Variants in SLC4A10 observed in about 807,000 individuals in gnomAD.
SLC4A10 encodes sodium-driven chloride bicarbonate exchanger.
In SLC4A10, 42 loss-of-function variants were observed where a neutral mutation model predicts 137.7. The observed-to-expected ratio is 0.30, with a 90% CI of 0.24 to 0.39. The LOEUF (loss-of-function observed/expected upper bound fraction) is 0.39. SLC4A10 is among the 10% of genes least tolerant of loss of function. The pLI is 1.00. For synonymous variants in SLC4A10, 474 were observed against 464.1 expected (o/e 1.02, Z -0.27); for missense variants, 925 against 1,355.0 (o/e 0.68, Z 4.98).
At chr2:161,876,059 G>A (rs751321624) in intron 8 of SLC4A10, among the ~76,000 whole-genome samples, 2 of 152,096 alleles carry the variant, frequency 1.3e-5, no homozygotes, top group Non-Finnish European at 2.9e-5. Context: ...CCCTAGAAAT[G>A]TAACTGTTTC....
intron 1 of SLC4A10, among the ~76,000 whole-genome samples, chr2:161,722,861 G>A (rs1485081224): frequency 1.3e-5 from 2 of 152,178 alleles, no homozygotes; most frequent in African/African-American, 2.4e-5. Context: ...CTCTGTAAAC[G>A]CCTGGATGGA....
At chr2:161,709,559 A>G (rs780444444) in intron 1 of SLC4A10, among the ~76,000 whole-genome samples, 2 of 151,638 alleles carry the variant, frequency 1.3e-5, no homozygotes, top group Non-Finnish European at 3.0e-5. Flanking sequence ...AGCTTGTGAC[A>G]TTTAAGCTTG....
intron 3 of SLC4A10, among the ~76,000 whole-genome samples, chr2:161,822,973 A>C (rs2057747897): frequency 6.6e-6 from 1 of 151,992 alleles, no homozygotes; most frequent in South Asian, 2.1e-4. Flanking sequence ...AAACTGTCTC[A>C]AAAAAAATTA....
chr2:161,641,730 A>G (rs1256663571), intron 1 of SLC4A10, among the ~76,000 whole-genome samples: 5 of 152,038 alleles, frequency 3.3e-5, no homozygotes, highest in African/African-American at 1.2e-4. Context: ...GTGCTAGTCT[A>G]ATAAAGGGAG....
intron 1 of SLC4A10, among the ~76,000 whole-genome samples, chr2:161,732,798 T>C (rs2125192497): frequency 6.6e-6 from 1 of 152,244 alleles, no homozygotes; most frequent in East Asian, 1.9e-4. Context: ...ATATAGACAA[T>C]AAGGTCCAGG....
At chr2:161,730,822 T>C (rs1360812550) in intron 1 of SLC4A10, among the ~76,000 whole-genome samples, 2 of 152,204 alleles carry the variant, frequency 1.3e-5, no homozygotes, top group Admixed American at 6.5e-5. Context: ...CATTACACTA[T>C]TGAACCTAAT....
chr2:161,958,018 A>G (rs1221605869), intron 20 of SLC4A10, among the ~76,000 whole-genome samples: 1 of 152,196 alleles, frequency 6.6e-6, no homozygotes. Context: ...AACTATTCCA[A>G]TAAAAAGAGA....
chr2:161,816,488 T>G (rs1447575481), intron 3 of SLC4A10, among the ~76,000 whole-genome samples: 1 of 151,828 alleles, frequency 6.6e-6, no homozygotes, highest in East Asian at 1.9e-4. Context: ...CTCTTTTTTT[T>G]ATTATTATAC....
chr2:161,890,809 A>G (rs1158092357), intron 10 of SLC4A10, among the ~76,000 whole-genome samples: 1 of 152,036 alleles, frequency 6.6e-6, no homozygotes, highest in Non-Finnish European at 1.5e-5. Flanking sequence ...TAATATTGTT[A>G]TGTGTGAATT....
chr2:161,917,552 T>C (rs1687336193), intron 15 of SLC4A10, among the ~76,000 whole-genome samples: 2 of 145,918 alleles, frequency 1.4e-5, no homozygotes, highest in Admixed American at 1.4e-4. Flanking sequence ...CACTCCAGCC[T>C]GGACAAAAGA....
At chr2:161,836,314 A>G (rs1382963800) in intron 3 of SLC4A10, among the ~76,000 whole-genome samples, 2 of 152,098 alleles carry the variant, frequency 1.3e-5, no homozygotes, top group Non-Finnish European at 2.9e-5. Context: ...CCTGGCCAAC[A>G]TGGCAAAACC....
At chr2:161,797,976 G>T (rs1328612508) in intron 2 of SLC4A10, among the ~76,000 whole-genome samples, 1 of 151,922 alleles carries the variant, frequency 6.6e-6, no homozygotes, top group Non-Finnish European at 1.5e-5. Context: ...AGGTAACTAT[G>T]ACCAGCACTA....
intron 2 of SLC4A10, among the ~76,000 whole-genome samples, chr2:161,798,970 G>A (rs1176873101): frequency 6.7e-6 from 1 of 150,228 alleles, no homozygotes; most frequent in African/African-American, 2.4e-5. Flanking sequence ...CCTGAATTGT[G>A]GAAACTGTAC....
At chr2:161,651,582 G>A (rs766923417) in intron 1 of SLC4A10, among the ~76,000 whole-genome samples, 30 of 152,290 alleles carry the variant, frequency 2.0e-4, no homozygotes, top group Non-Finnish European at 3.2e-4. Flanking sequence ...GGGGCTCTGC[G>A]GTTTCTGGCA....
At chr2:161,863,923 C>T (rs1436990526) in intron 6 of SLC4A10, among the ~76,000 whole-genome samples, 2 of 151,918 alleles carry the variant, frequency 1.3e-5, no homozygotes, top group South Asian at 4.1e-4. Flanking sequence ...AGTTCTAGGC[C>T]GGGCGCAGTG....
chr2:161,690,849 C>T (rs1220287326), intron 1 of SLC4A10, among the ~76,000 whole-genome samples: 2 of 152,014 alleles, frequency 1.3e-5, no homozygotes, highest in African/African-American at 4.8e-5. Flanking sequence ...GGCTTAAAAC[C>T]TATGTGATGG....
chr2:161,693,381 T>G (rs1233793273), intron 1 of SLC4A10, among the ~76,000 whole-genome samples: 1 of 152,006 alleles, frequency 6.6e-6, no homozygotes, highest in African/African-American at 2.4e-5. Flanking sequence ...AATGACAGAA[T>G]AAAAGTGATG....
At chr2:161,751,512 A>C (rs1249050675) in intron 1 of SLC4A10, among the ~76,000 whole-genome samples, 1 of 151,632 alleles carries the variant, frequency 6.6e-6, no homozygotes, top group African/African-American at 2.4e-5. Context: ...TTTTTCCTGC[A>C]TGTAGGAACT....
intron 1 of SLC4A10, among the ~76,000 whole-genome samples, chr2:161,631,499 C>T (rs1442180806): frequency 6.6e-6 from 1 of 151,512 alleles, no homozygotes; most frequent in African/African-American, 2.4e-5. Flanking sequence ...TTCTGTTTGT[C>T]AAGATAATGC....
Sources: gnomAD v4.1 joint callset for allele counts (sites outside exome capture counted in the v4.1 genomes callset) on GRCh38, gnomAD v4.1.1 for gene constraint, MANE v1.5 for transcripts, NCBI Gene and HGNC (gene_info 2026-07-23, HGNC 2026-07-21) for gene names.